The following SCLT1 variants were observed in gnomAD, a reference collection of about 807,000 sequenced individuals.
SCLT1 encodes sodium channel and clathrin linker 1.
SCLT1 carries 78 observed loss-of-function variants against 112.8 expected under a neutral mutation model. That is an observed-to-expected ratio of 0.69 (90% CI 0.58 to 0.83). The LOEUF (loss-of-function observed/expected upper bound fraction) is 0.83. Ranked by LOEUF, SCLT1 falls within the 40% of genes least tolerant of loss-of-function variation. The pLI, the probability that SCLT1 is intolerant of heterozygous loss-of-function variation, is 0.00. For synonymous variants in SCLT1, 257 were observed against 254.7 expected (o/e 1.01, Z -0.09); for missense variants, 747 against 770.4 (o/e 0.97, Z 0.36).
At chr4:128,951,700 G>A (rs189409919) in intron 14 of SCLT1, among the ~76,000 whole-genome samples, 21 of 152,176 alleles carry the variant, frequency 1.4e-4, no homozygotes, top group African/African-American at 4.8e-4. Flanking sequence ...AAATAACTGG[G>A]TGATAGAAAA....
downstream of SCLT1, among the ~76,000 whole-genome samples, chr4:128,881,640 C>T (rs72683622): frequency 0.02 from 3,001 of 152,238 alleles, 54 homozygotes; most frequent in Non-Finnish European, 0.032. Context: ...GTGTTGTCCT[C>T]AATTGCAGAT....
intron 2 of SCLT1, among the ~76,000 whole-genome samples, chr4:129,060,174 G>A (rs1180558135): frequency 1.3e-5 from 2 of 152,028 alleles, no homozygotes; most frequent in Non-Finnish European, 2.9e-5. Flanking sequence ...TGAAGAAACT[G>A]TTTGATTCAT....
chr4:129,000,090 A>G (rs1163274020), intron 6 of SCLT1, among the ~76,000 whole-genome samples: 1 of 151,902 alleles, frequency 6.6e-6, no homozygotes, highest in Non-Finnish European at 1.5e-5. Context: ...GTTCCACAAG[A>G]AAGTATAAGC....
intron 2 of SCLT1, among the ~76,000 whole-genome samples, chr4:129,054,650 G>T (rs920881414): frequency 3.9e-5 from 6 of 152,014 alleles, no homozygotes; most frequent in Admixed American, 3.9e-4. Context: ...AGCAGCTCCT[G>T]TAACCTTTTT....
chr4:129,082,683 T>C (rs144922800), intron 1 of SCLT1, among the ~76,000 whole-genome samples: 2 of 152,334 alleles, frequency 1.3e-5, no homozygotes, highest in African/African-American at 4.8e-5. Context: ...AAGTAAAATA[T>C]ATTCTCCACA....
At chr4:128,938,317 A>G (rs1428362191) in intron 17 of SCLT1, among the ~76,000 whole-genome samples, 1 of 152,232 alleles carries the variant, frequency 6.6e-6, no homozygotes, top group Non-Finnish European at 1.5e-5. Context: ...TCACTGGAGC[A>G]AACTGCAAAC....
intron 2 of SCLT1, among the ~76,000 whole-genome samples, chr4:129,073,452 A>AT (rs1417884597): frequency 6.6e-6 from 1 of 152,140 alleles, no homozygotes; most frequent in Non-Finnish European, 1.5e-5. Context: ...AATCTTATAA[A>AT]TTCTTATGAC....
rs528905688 is a variant in SCLT1 at position 129,053,557 on chromosome 4, A to ATTTTTTTTTTTTTTTTTTT, written c.103-9525_103-9507dup. The stretch of plus-strand genomic sequence containing the variant: ...TTAGAGACTAGGATTGCAATCCCTG[A>ATTTTTTTTTTTTTTTTTTT]TTTTTTTTTTTTTTTTTTTTTTTTT... On this transcript the variant is annotated intron_variant, in intron 2 of 20. Coordinates refer to ENST00000281142, the MANE Select transcript of SCLT1 (RefSeq NM_144643.4). Among the ~76,000 whole-genome samples the ATTTTTTTTTTTTTTTTTTT allele has an allele frequency of 2.7e-3, 122 of 45,230 alleles. 21 individuals carry two copies. Among genetic ancestry groups the ATTTTTTTTTTTTTTTTTTT allele is most frequent in the Non-Finnish European group, 3.2e-3 (84 of 25,850 alleles). The allele number at this position is 45,230 out of a possible 152,430, so 29.7% of individuals were successfully genotyped here.
intron 5 of SCLT1, among the ~76,000 whole-genome samples, chr4:129,029,590 A>C (rs1406715571): frequency 6.6e-6 from 1 of 151,862 alleles, no homozygotes; most frequent in Non-Finnish European, 1.5e-5. Context: ...TGACGAGTTA[A>C]TGGGTGCAGC....
intron 5 of SCLT1, among the ~76,000 whole-genome samples, chr4:129,025,240 A>G (rs1262332805): frequency 3.3e-5 from 5 of 152,218 alleles, no homozygotes; most frequent in Non-Finnish European, 5.9e-5. Flanking sequence ...TCCAAGACAC[A>G]TAATTGTCAG....
At chr4:128,925,421 C>A (rs1736218725) in intron 18 of SCLT1, among the ~76,000 whole-genome samples, 1 of 151,826 alleles carries the variant, frequency 6.6e-6, no homozygotes, top group Non-Finnish European at 1.5e-5. Context: ...TGGCTCACTG[C>A]AACCTCTGCC....
At chr4:129,010,644 G>T (rs1482507863) in intron 5 of SCLT1, among the ~76,000 whole-genome samples, 1 of 152,108 alleles carries the variant, frequency 6.6e-6, no homozygotes, top group Admixed American at 6.5e-5. Flanking sequence ...CTAGTTAGCT[G>T]TATTCCTAGG....
chr4:129,070,409 T>C (rs775045170), intron 2 of SCLT1, among the ~76,000 whole-genome samples: 4 of 152,070 alleles, frequency 2.6e-5, no homozygotes, highest in Non-Finnish European at 4.4e-5. Context: ...TTGTTGGTAA[T>C]TTTCTAATTA....
rs118153915 is a variant in SCLT1, at chr4:128,922,298, G to T, written c.1829+14357C>A. Among the ~76,000 whole-genome samples the T allele has an allele frequency of 1.2e-4, 18 of 152,216 alleles. No individual in the cohort carries two copies. The East Asian group carries it at 3.5e-3, about 29-fold the overall frequency. ...ATTCAACCCAGCATTCCCATTATTA[G>T]GTATATGCCCCAAGGAATATAAATT... On this transcript the variant is annotated intron_variant, in intron 18 of 20. Coordinates refer to ENST00000281142, the MANE Select transcript of SCLT1 (RefSeq NM_144643.4).
intron 1 of SCLT1, among the ~76,000 whole-genome samples, chr4:129,083,465 A>G (rs1752133266): frequency 6.6e-6 from 1 of 151,680 alleles, no homozygotes; most frequent in Non-Finnish European, 1.5e-5. Context: ...AAAAAAAAAA[A>G]AAAGGAAAAT....
At chr4:129,021,686 A>G (rs570669067) in intron 5 of SCLT1, among the ~76,000 whole-genome samples, 1 of 152,328 alleles carries the variant, frequency 6.6e-6, no homozygotes, top group East Asian at 1.9e-4. Flanking sequence ...CCTACAGACA[A>G]AATCCCCATT....
At chr4:129,025,382 G>A (rs1745951819) in intron 5 of SCLT1, among the ~76,000 whole-genome samples, 2 of 152,184 alleles carry the variant, frequency 1.3e-5, no homozygotes, top group Admixed American at 1.3e-4. Context: ...AGAAGAGAGT[G>A]GGGGCCAATA....
intron 5 of SCLT1, among the ~76,000 whole-genome samples, chr4:129,015,106 T>C (rs1560967043): frequency 6.6e-6 from 1 of 152,054 alleles, no homozygotes; most frequent in Non-Finnish European, 1.5e-5. Context: ...ACTGGCTGGC[T>C]CTGTTCCCAC....
At chr4:129,075,184 C>G (rs1293939520) in intron 2 of SCLT1, among the ~76,000 whole-genome samples, 1 of 152,078 alleles carries the variant, frequency 6.6e-6, no homozygotes, top group Non-Finnish European at 1.5e-5. Flanking sequence ...ACTTTTGGCT[C>G]TCACTCTAAT....
Sources: allele counts gnomAD v4.1 joint callset (sites outside exome capture counted in the v4.1 genomes callset), GRCh38; gene constraint gnomAD v4.1.1; transcripts MANE v1.5; gene names NCBI Gene and HGNC (gene_info 2026-07-23, HGNC 2026-07-21).